Variants in CHST11 observed in about 807,000 individuals in gnomAD.
CHST11 encodes the protein C4S-1.
CHST11 carries 9 observed loss-of-function variants against 30.4 expected under a neutral mutation model. The ratio of observed to expected loss-of-function variants is 0.30; its 90% confidence interval spans 0.18 to 0.52. The LOEUF is 0.52. Among genes scored for constraint, CHST11 ranks in the 20% least tolerant of loss-of-function variants. The pLI, the probability that CHST11 is intolerant of heterozygous loss-of-function variation, is 0.97. For missense variants in CHST11, 348 were observed against 460.6 expected, an observed-to-expected ratio of 0.76 and a Z score of 2.24; for synonymous variants, 152 against 187.8, an observed-to-expected ratio of 0.81 and a Z score of 1.56.
chr12:104,752,775 C>T lies in CHST11; in HGVS notation c.205-4174C>T, dbSNP rs112124417. Among the ~76,000 whole-genome samples the T allele has an allele frequency of 7.0e-4, 107 of 152,260 alleles. 1 individual carries two copies. Among genetic ancestry groups the T allele is most frequent in the African/African-American group, 2.2e-3 (92 of 41,560 alleles). On this transcript the variant is annotated intron_variant, in intron 2 of 2. Transcript: ENST00000303694. ...CACTCCTGACCTCAAGTAATTAGCC[C>T]GCTGCTGCCTCCCAAAGTGCTGGGA...
chr12:104,537,022 C>T (rs994920203), intron 1 of CHST11, among the ~76,000 whole-genome samples: 1 of 152,220 alleles, frequency 6.6e-6, no homozygotes, highest in Non-Finnish European at 1.5e-5. Context: ...TGTTAGGAAA[C>T]AATTTCTTCA....
At chr12:104,726,120 T>C (rs572457527) in intron 2 of CHST11, among the ~76,000 whole-genome samples, 1 of 152,346 alleles carries the variant, frequency 6.6e-6, no homozygotes, top group Admixed American at 6.5e-5. Flanking sequence ...AACAGAGAGA[T>C]AGCAGAAAGA....
chr12:104,738,096 G>T (rs1165171343), intron 2 of CHST11, among the ~76,000 whole-genome samples: 1 of 152,146 alleles, frequency 6.6e-6, no homozygotes, highest in Non-Finnish European at 1.5e-5. Context: ...CTGCTGGACC[G>T]GTGTAATTAT....
chr12:104,697,569 C>T (rs142675743), intron 2 of CHST11, among the ~76,000 whole-genome samples: 9 of 152,256 alleles, frequency 5.9e-5, no homozygotes, highest in South Asian at 2.1e-4. Flanking sequence ...CATAATCACA[C>T]GAGTCAATTT....
intron 1 of CHST11, among the ~76,000 whole-genome samples, chr12:104,473,915 TCACCAC>T (rs781715469): frequency 6.6e-6 from 1 of 151,466 alleles, no homozygotes; most frequent in African/African-American, 2.4e-5. Flanking sequence ...ATCACCATCA[TCACCAC>T]CACCACCACC....
At chr12:104,464,825 C>A (rs2037443315) in intron 1 of CHST11, among the ~76,000 whole-genome samples, 1 of 152,198 alleles carries the variant, frequency 6.6e-6, no homozygotes, top group African/African-American at 2.4e-5. Flanking sequence ...AGACTTAAAT[C>A]AGCACTCAAT....
intron 2 of CHST11, among the ~76,000 whole-genome samples, chr12:104,649,514 A>G (rs2039471337): frequency 6.6e-6 from 1 of 152,174 alleles, no homozygotes; most frequent in South Asian, 2.1e-4. Flanking sequence ...CTAGGATTAA[A>G]CTCAGGTCTG....
intron 1 of CHST11, among the ~76,000 whole-genome samples, chr12:104,571,510 C>T (rs1433205075): frequency 6.6e-6 from 1 of 152,188 alleles, no homozygotes; most frequent in Non-Finnish European, 1.5e-5. Flanking sequence ...TCCAGCGTCC[C>T]ACTTGTCAGT....
At chr12:104,747,108 CAG>C (rs2040393816) in intron 2 of CHST11, among the ~76,000 whole-genome samples, 4 of 152,236 alleles carry the variant, frequency 2.6e-5, no homozygotes, top group Admixed American at 2.6e-4. Flanking sequence ...TTAAATATAA[CAG>C]ATCTCTGGGG....
chr12:104,560,243 C>T (rs1378743850), intron 1 of CHST11, among the ~76,000 whole-genome samples: 3 of 152,084 alleles, frequency 2.0e-5, no homozygotes, highest in Admixed American at 2.0e-4. Context: ...ACATGAAAGG[C>T]CTGCAGGAAA....
chr12:104,545,251 C>T (rs1284757313), intron 1 of CHST11, among the ~76,000 whole-genome samples: 1 of 152,188 alleles, frequency 6.6e-6, no homozygotes, highest in Non-Finnish European at 1.5e-5. Flanking sequence ...GGGAATGGCC[C>T]GTTTGAGGGT....
At chr12:104,550,421 A>G (rs778720473) in intron 1 of CHST11, among the ~76,000 whole-genome samples, 1 of 152,152 alleles carries the variant, frequency 6.6e-6, no homozygotes, top group Non-Finnish European at 1.5e-5. Flanking sequence ...GGGGTTGGCA[A>G]ACTTTGTTTT....
chr12:104,664,284 A>G (rs1403430377), intron 2 of CHST11, among the ~76,000 whole-genome samples: 2 of 152,222 alleles, frequency 1.3e-5, no homozygotes, highest in Non-Finnish European at 1.5e-5. Context: ...TATGTATGTC[A>G]TCGATCAAAG....
At chr12:104,684,697 A>G (rs1489904031) in intron 2 of CHST11, among the ~76,000 whole-genome samples, 1 of 152,084 alleles carries the variant, frequency 6.6e-6, no homozygotes, top group Non-Finnish European at 1.5e-5. Flanking sequence ...ACAGGCATGC[A>G]CTACCATGCC....
intron 1 of CHST11, among the ~76,000 whole-genome samples, chr12:104,460,862 T>A (rs2037401662): frequency 6.6e-6 from 1 of 152,174 alleles, no homozygotes; most frequent in Non-Finnish European, 1.5e-5. Context: ...TTTAGAAGTT[T>A]TTGATACTCT....
chr12:104,573,537 G>A (rs943596524), intron 1 of CHST11, among the ~76,000 whole-genome samples: 17 of 152,226 alleles, frequency 1.1e-4, no homozygotes, highest in African/African-American at 4.1e-4. Context: ...ACAGAACAGA[G>A]CCCTCAGAAA....
intron 1 of CHST11, among the ~76,000 whole-genome samples, chr12:104,598,699 G>C (rs914480561): frequency 2.0e-5 from 3 of 152,222 alleles, no homozygotes; most frequent in Non-Finnish European, 2.9e-5. Context: ...TGACACGGAG[G>C]ATTTGGGGAA....
At chr12:104,479,672 C>G (rs553290898) in intron 1 of CHST11, among the ~76,000 whole-genome samples, 3 of 152,262 alleles carry the variant, frequency 2.0e-5, no homozygotes, top group Non-Finnish European at 4.4e-5. Flanking sequence ...GTCTTGCACT[C>G]TTAGGTAGTA....
chr12:104,741,340 C>G (rs896540890), intron 2 of CHST11, among the ~76,000 whole-genome samples: 3 of 152,160 alleles, frequency 2.0e-5, no homozygotes, highest in Admixed American at 2.0e-4. Context: ...CTCCACCTCT[C>G]TCTTGGGGGA....
Sources: gnomAD v4.1 joint callset for allele counts (sites outside exome capture counted in the v4.1 genomes callset) on GRCh38, gnomAD v4.1.1 for gene constraint, MANE v1.5 for transcripts, NCBI Gene and HGNC (gene_info 2026-07-23, HGNC 2026-07-21) for gene names.